WDR72: variants seen among roughly 807,000 people sequenced by gnomAD.
WDR72 encodes the protein WD repeat-containing protein 72.
In WDR72, 120 loss-of-function variants were observed where a neutral mutation model predicts 124.2. The ratio of observed to expected loss-of-function variants is 0.97; its 90% CI spans 0.83 to 1.12. The LOEUF (loss-of-function observed/expected upper bound fraction) is 1.12. Ranked by LOEUF, WDR72 falls within the 50% of genes most tolerant of loss-of-function variation. WDR72 has a pLI of 0.00. For missense variants in WDR72, 1,387 were observed against 1,278.8 expected, an observed-to-expected ratio of 1.08 and a Z score of -1.29; for synonymous variants, 452 against 441.7, an observed-to-expected ratio of 1.02 and a Z score of -0.29.
chr15:53,675,464 C>T (rs1381471237), intron 13 of WDR72, among the ~76,000 whole-genome samples: 2 of 151,914 alleles, frequency 1.3e-5, no homozygotes, highest in African/African-American at 2.4e-5. Context: ...TTAAGTATAA[C>T]GTAAAGAATA....
rs115922168 is a variant in WDR72 at position 53,628,780 on chromosome 15, A to C, written c.1963-12537T>G. Reference sequence around the variant, plus strand: ...AAAGTTTGGACTTTGAAGTAAACTAAATTTTTTAAATTCATACCAACAATA... The same window carrying C: ...AAAGTTTGGACTTTGAAGTAAACTACATTTTTTAAATTCATACCAACAATA... On this transcript the variant is annotated intron_variant, in intron 14 of 19. Coordinates refer to ENST00000360509, the MANE Select transcript of WDR72 (RefSeq NM_182758.4). Among the ~76,000 whole-genome samples, 1,466 of 152,258 alleles carry C rather than the reference A, an allele frequency of 9.6e-3. 33 individuals carry two copies. Among genetic ancestry groups the C allele is most frequent in the African/African-American group, 0.034 (1,414 of 41,554 alleles).
chr15:53,581,831 A>G (rs1474324056), intron 18 of WDR72, among the ~76,000 whole-genome samples: 2 of 152,080 alleles, frequency 1.3e-5, no homozygotes, highest in African/African-American at 4.8e-5. Context: ...AAAATTCCAT[A>G]AAGATTTACT....
At chr15:53,718,211 G>C (rs1382211760) in intron 3 of WDR72, among the ~76,000 whole-genome samples, 2 of 138,340 alleles carry the variant, frequency 1.4e-5, no homozygotes, top group East Asian at 3.9e-4. Context: ...GGCATGTGTG[G>C]TTTTGAAAAG....
chr15:53,555,423 G>A (rs916420771), intron 18 of WDR72, among the ~76,000 whole-genome samples: 1 of 151,892 alleles, frequency 6.6e-6, no homozygotes, highest in Non-Finnish European at 1.5e-5. Context: ...GGAAATGTAG[G>A]GGGAGAGAGA....
intron 1 of WDR72, chr15:53,756,721 A>T (rs1374133401): frequency 6.6e-6 from 1 of 152,230 alleles, no homozygotes; most frequent in Non-Finnish European, 1.5e-5. Context: ...TCACTGCTTC[A>T]TGCGGTCCTC....
At chr15:53,756,287 A>G (rs1282009536) in intron 1 of WDR72, among the ~76,000 whole-genome samples, 2 of 152,166 alleles carry the variant, frequency 1.3e-5, no homozygotes, top group Non-Finnish European at 2.9e-5. Flanking sequence ...TCTCTCCTGC[A>G]ACCCTATGAA....
chr15:53,527,241 G>A (rs1428440473), intron 18 of WDR72, among the ~76,000 whole-genome samples: 15 of 152,162 alleles, frequency 9.9e-5, no homozygotes, highest in South Asian at 4.1e-4. Flanking sequence ...CAGGGCCATC[G>A]GTGATAATAC....
At chr15:53,596,818 AC>A (rs942097295) in intron 18 of WDR72, among the ~76,000 whole-genome samples, 8 of 152,286 alleles carry the variant, frequency 5.3e-5, no homozygotes, top group African/African-American at 1.9e-4. Flanking sequence ...CTGTGAACTT[AC>A]ATTTTCAATA....
intron 18 of WDR72, among the ~76,000 whole-genome samples, chr15:53,572,271 A>G (rs1566965359): frequency 6.6e-6 from 1 of 152,060 alleles, no homozygotes; most frequent in Non-Finnish European, 1.5e-5. Context: ...TTGGGGTTGT[A>G]TTAACAAACA....
intron 13 of WDR72, among the ~76,000 whole-genome samples, chr15:53,666,457 C>T (rs74015849): frequency 0.014 from 2,150 of 152,112 alleles, 57 homozygotes; most frequent in African/African-American, 0.05. Context: ...GAAACCAATT[C>T]ACAAATAATT....
At chr15:53,753,878 G>C (rs1380599150) in intron 1 of WDR72, among the ~76,000 whole-genome samples, 1 of 152,122 alleles carries the variant, frequency 6.6e-6, no homozygotes, top group East Asian at 1.9e-4. Flanking sequence ...AGGAAAAGAA[G>C]GCTAGGTAAA....
chr15:53,610,691 A>T (rs2013502218), intron 16 of WDR72, among the ~76,000 whole-genome samples: 1 of 152,092 alleles, frequency 6.6e-6, no homozygotes, highest in African/African-American at 2.4e-5. Context: ...CTTCTGACCA[A>T]TTATTGATAT....
chr15:53,699,224 A>G (rs2017093442), intron 13 of WDR72, among the ~76,000 whole-genome samples: 1 of 152,172 alleles, frequency 6.6e-6, no homozygotes, highest in Admixed American at 6.5e-5. Context: ...TTATTTAGTA[A>G]TTGTTTTTTA....
intron 18 of WDR72, among the ~76,000 whole-genome samples, chr15:53,578,725 A>G (rs2011752907): frequency 6.6e-6 from 1 of 151,264 alleles, no homozygotes; most frequent in South Asian, 2.1e-4. Flanking sequence ...ATGTGCTTAA[A>G]TAAATAAAAC....
intron 18 of WDR72, among the ~76,000 whole-genome samples, chr15:53,577,001 A>G (rs1380424240): frequency 6.6e-6 from 1 of 152,186 alleles, no homozygotes; most frequent in Non-Finnish European, 1.5e-5. Flanking sequence ...CCTTTGCTTT[A>G]GAGCTCCAAG....
upstream of WDR72, among the ~76,000 whole-genome samples, chr15:53,759,915 C>A (rs1473950702): frequency 2.0e-5 from 3 of 149,088 alleles, no homozygotes; most frequent in East Asian, 2.1e-4. Context: ...GGTTGCCTGT[C>A]CTCTCAGGGC....
At chr15:53,686,203 C>T (rs2140492013) in intron 13 of WDR72, among the ~76,000 whole-genome samples, 1 of 149,904 alleles carries the variant, frequency 6.7e-6, no homozygotes, top group Admixed American at 6.7e-5. Context: ...CAAATTCACA[C>T]ATAACAATAT....
intron 18 of WDR72, among the ~76,000 whole-genome samples, chr15:53,559,540 T>C (rs1430630924): frequency 1.3e-5 from 2 of 152,038 alleles, no homozygotes; most frequent in African/African-American, 4.8e-5. Context: ...GTTATTCATT[T>C]ACCATAATAG....
At chr15:53,520,733 A>G (rs1891747256) in intron 19 of WDR72, among the ~76,000 whole-genome samples, 1 of 152,062 alleles carries the variant, frequency 6.6e-6, no homozygotes, top group Non-Finnish European at 1.5e-5. Context: ...ATTTTGAAAG[A>G]CTTGATATTT....
Sources: allele counts gnomAD v4.1 joint callset (sites outside exome capture counted in the v4.1 genomes callset), GRCh38; gene constraint gnomAD v4.1.1; transcripts MANE v1.5; gene names NCBI Gene and HGNC (gene_info 2026-07-23, HGNC 2026-07-21).